DGKI: variants seen among roughly 807,000 people sequenced by gnomAD.
DGKI encodes diacylglycerol kinase iota.
In DGKI, 55 loss-of-function variants were observed where a neutral mutation model predicts 147.5. The observed-to-expected ratio is 0.37, with a 90% CI of 0.30 to 0.47. The LOEUF (loss-of-function observed/expected upper bound fraction) is 0.47. Ranked by LOEUF, DGKI falls within the 20% of genes least tolerant of loss-of-function variation. DGKI has a pLI of 1.00. For synonymous variants in DGKI, 469 were observed against 477.1 expected, an observed-to-expected ratio of 0.98 and a Z score of 0.22; for missense variants, 1,007 against 1,323.8, an observed-to-expected ratio of 0.76 and a Z score of 3.71.
chr7:137,640,461 C>T (rs2129006360), intron 6 of DGKI, among the ~76,000 whole-genome samples: 1 of 152,284 alleles, frequency 6.6e-6, no homozygotes, highest in Admixed American at 6.5e-5. Context: ...CCTCCTGAGG[C>T]TACTGGGAGA....
At chr7:137,723,933 CT>C (rs1230020024) in intron 1 of DGKI, among the ~76,000 whole-genome samples, 1 of 151,982 alleles carries the variant, frequency 6.6e-6, no homozygotes, top group African/African-American at 2.4e-5. Context: ...TAGTCTCGAT[CT>C]CCTGACCTTG....
Position 137,419,357 on chromosome 7 carries a change from G to A in DGKI, c.2762-7150C>T, listed in dbSNP as rs147243361. Among the ~76,000 whole-genome samples the A allele has an allele frequency of 2.1e-3, 327 of 152,120 alleles. 1 individual carries two copies. Among genetic ancestry groups the A allele is most frequent in the African/African-American group, 6.9e-3 (286 of 41,498 alleles). On this transcript the variant is annotated intron_variant, in intron 28 of 32. Coordinates refer to ENST00000614521, the MANE Select transcript of DGKI (RefSeq NM_001321708.2). Reference sequence around the variant, plus strand: ...TTCATAGTTTGCCTTTATTCAATCCGTTACTTCTTGCGTGGCTACCAGATA... The same window carrying A: ...TTCATAGTTTGCCTTTATTCAATCCATTACTTCTTGCGTGGCTACCAGATA...
At chr7:137,746,948 G>A (rs937291335) in intron 1 of DGKI, among the ~76,000 whole-genome samples, 2 of 152,102 alleles carry the variant, frequency 1.3e-5, no homozygotes, top group Non-Finnish European at 2.9e-5. Context: ...GGACTAGAAT[G>A]GGGAAACCTA....
intron 1 of DGKI, among the ~76,000 whole-genome samples, chr7:137,797,616 G>T (rs1469586483): frequency 1.3e-5 from 2 of 152,032 alleles, no homozygotes; most frequent in Non-Finnish European, 2.9e-5. Context: ...GAACTACATT[G>T]TTTTAGGATT....
chr7:137,562,520 A>T (rs997321249), intron 19 of DGKI, among the ~76,000 whole-genome samples: 1 of 152,146 alleles, frequency 6.6e-6, no homozygotes, highest in African/African-American at 2.4e-5. Context: ...GGGCAACAAG[A>T]GCAAAACTCC....
intron 1 of DGKI, among the ~76,000 whole-genome samples, chr7:137,819,990 T>G (rs1008062492): frequency 1.3e-5 from 2 of 152,214 alleles, no homozygotes; most frequent in Non-Finnish European, 2.9e-5. Flanking sequence ...CATCATCCCA[T>G]GACACTTCTT....
At chr7:137,572,358 T>C (rs1818823136) in intron 18 of DGKI, among the ~76,000 whole-genome samples, 1 of 152,240 alleles carries the variant, frequency 6.6e-6, no homozygotes, top group African/African-American at 2.4e-5. Flanking sequence ...CTGGCAACAA[T>C]TTTGAATGAA....
At chr7:137,608,613 G>C (rs1346154458) in intron 10 of DGKI, among the ~76,000 whole-genome samples, 1 of 152,108 alleles carries the variant, frequency 6.6e-6, no homozygotes, top group East Asian at 1.9e-4. Context: ...ATAAAAAGAA[G>C]TTGATGAAGG....
intron 12 of DGKI, among the ~76,000 whole-genome samples, chr7:137,588,534 C>A (rs891901254): frequency 3.5e-5 from 5 of 143,668 alleles, no homozygotes; most frequent in Non-Finnish European, 6.0e-5. Flanking sequence ...TGGAGTGCAG[C>A]GGCAAGATCT....
At chr7:137,468,429 C>G (rs1167224744) in intron 24 of DGKI, among the ~76,000 whole-genome samples, 1 of 152,096 alleles carries the variant, frequency 6.6e-6, no homozygotes, top group Non-Finnish European at 1.5e-5. Flanking sequence ...TTCTCAAATA[C>G]AAGTTGTTCC....
At chr7:137,799,363 G>A (rs996507033) in intron 1 of DGKI, among the ~76,000 whole-genome samples, 2 of 152,156 alleles carry the variant, frequency 1.3e-5, no homozygotes, top group Non-Finnish European at 2.9e-5. Flanking sequence ...GAACGGGGAA[G>A]TGACTATTAA....
chr7:137,668,013 A>T (rs776015643), intron 3 of DGKI, among the ~76,000 whole-genome samples: 1 of 152,228 alleles, frequency 6.6e-6, no homozygotes, highest in Non-Finnish European at 1.5e-5. Flanking sequence ...CTGAGACCCT[A>T]TGAGACTGTG....
At chr7:137,559,722 A>C (rs1430787503) in intron 19 of DGKI, among the ~76,000 whole-genome samples, 1 of 152,108 alleles carries the variant, frequency 6.6e-6, no homozygotes, top group Non-Finnish European at 1.5e-5. Context: ...GGAAAAAAAA[A>C]AAGCCACTCT....
rs750373746 is a variant in DGKI at position 137,597,920 on chromosome 7, T to A, written c.1251-13A>T. The A allele has an allele frequency of 6.2e-7, 1 of 1,611,308 alleles. No individual in the cohort carries two copies. The highest frequency in any genetic ancestry group is 1.3e-5 in the African/African-American group (1 of 74,956). On this transcript the variant is annotated splice_polypyrimidine_tract_variant and intron_variant, in intron 11 of 32. Transcript: ENST00000614521. ...ATACAATTCAAGCCTGTAGAGGAAA[T>A]AGAAGAAAAAGTAAACAAAAGAACA...
At chr7:137,833,013 C>T (rs965489509) in intron 1 of DGKI, among the ~76,000 whole-genome samples, 2 of 152,184 alleles carry the variant, frequency 1.3e-5, no homozygotes, top group Non-Finnish European at 2.9e-5. Context: ...GTCTCCACCT[C>T]AGCCTGGATC....
chr7:137,525,892 G>C (rs551852426), intron 20 of DGKI, among the ~76,000 whole-genome samples: 3 of 151,960 alleles, frequency 2.0e-5, no homozygotes, highest in East Asian at 3.9e-4. Context: ...GCTACCTCTG[G>C]GGGGAGATTG....
chr7:137,798,809 G>T (rs185231732), intron 1 of DGKI, among the ~76,000 whole-genome samples: 14 of 152,200 alleles, frequency 9.2e-5, no homozygotes, highest in African/African-American at 3.4e-4. Context: ...CTATGATCAA[G>T]GAGATTTTAC....
Position 137,731,890 on chromosome 7 carries a change from C to G in DGKI, c.402-41888G>C, listed in dbSNP as rs190549753. Among the ~76,000 whole-genome samples, 621 of 152,140 alleles carry G rather than the reference C, an allele frequency of 4.1e-3. 4 individuals carry two copies. Among genetic ancestry groups the G allele is most frequent in the Non-Finnish European group, 5.3e-3 (359 of 67,934 alleles). On this transcript the variant is annotated intron_variant, in intron 1 of 32. Coordinates refer to ENST00000614521, the MANE Select transcript of DGKI (RefSeq NM_001321708.2). ...GTCCTACACCATGCTTGATCAGGACCTCTAGACTAACTGCCCATGCTCTAG... is the reference window on the plus strand; with the variant it reads ...GTCCTACACCATGCTTGATCAGGACGTCTAGACTAACTGCCCATGCTCTAG...
At chr7:137,679,759 G>A (rs1355498110) in intron 2 of DGKI, among the ~76,000 whole-genome samples, 1 of 151,844 alleles carries the variant, frequency 6.6e-6, no homozygotes, top group Non-Finnish European at 1.5e-5. Flanking sequence ...AGGCCGAGGT[G>A]GGCAGAACAC....
Sources: allele counts gnomAD v4.1 joint callset (sites outside exome capture counted in the v4.1 genomes callset), GRCh38; gene constraint gnomAD v4.1.1; transcripts MANE v1.5; gene names NCBI Gene and HGNC (gene_info 2026-07-23, HGNC 2026-07-21).